The following GRM7 variants were observed in gnomAD, a reference collection of about 807,000 sequenced individuals.
GRM7 encodes the protein glutamate metabotropic receptor 7, also known as metabotropic glutamate receptor 7.
A neutral mutation model predicts 84.5 loss-of-function variants in GRM7; 35 were observed. The observed-to-expected ratio is 0.41, with a 90% CI of 0.32 to 0.55. The LOEUF (loss-of-function observed/expected upper bound fraction) is 0.55. Among genes scored for constraint, GRM7 ranks in the 20% least tolerant of loss-of-function variants. The pLI is 0.19. For missense variants in GRM7, 1,003 were observed against 1,194.6 expected (o/e 0.84, Z 2.36); for synonymous variants, 487 against 455.1 (o/e 1.07, Z -0.89).
chr3:6,987,399 C>CAAAA (rs55694959), intron 1 of GRM7, among the ~76,000 whole-genome samples: 1,731 of 129,014 alleles, frequency 0.013, 31 homozygotes, highest in African/African-American at 0.046. Flanking sequence ...TGCTGAAGGA[C>CAAAA]AAAAAAAAAA....
chr3:7,435,569 A>C (rs1357595571), intron 5 of GRM7, among the ~76,000 whole-genome samples: 1 of 151,660 alleles, frequency 6.6e-6, no homozygotes, highest in Non-Finnish European at 1.5e-5. Flanking sequence ...CTGGAGTACA[A>C]TGGCACGATC....
chr3:7,565,584 G>A (rs1330152764), intron 7 of GRM7, among the ~76,000 whole-genome samples: 1 of 152,150 alleles, frequency 6.6e-6, no homozygotes. Context: ...ATAAATCCAG[G>A]AGAGTGAAGC....
chr3:7,662,120 T>A (rs1221167340), intron 8 of GRM7, among the ~76,000 whole-genome samples: 1 of 152,196 alleles, frequency 6.6e-6, no homozygotes, highest in East Asian at 1.9e-4. Context: ...AATGTCAGAA[T>A]AATTATGCTG....
Position 7,107,677 on chromosome 3 carries a change from T to C in GRM7, c.520-38775T>C, listed in dbSNP as rs114469241. Among the ~76,000 whole-genome samples the C allele has an allele frequency of 8.1e-3, 1,235 of 152,214 alleles. 12 individuals carry two copies. The highest frequency in any genetic ancestry group is 0.027 in the African/African-American group (1,137 of 41,548). On this transcript the variant is annotated intron_variant, in intron 1 of 9. Transcript: ENST00000357716. ...TTAGTTGCCGGTAAAGTTTAGTTCA[T>C]AATGTACTTGATTAAAAATAGATTG... is the stretch of plus-strand genomic sequence containing the variant.
intron 8 of GRM7, among the ~76,000 whole-genome samples, chr3:7,601,310 G>A (rs1432185520): frequency 6.6e-6 from 1 of 152,138 alleles, no homozygotes; most frequent in African/African-American, 2.4e-5. Flanking sequence ...GGGGTGCACA[G>A]CTTTCACCAC....
At chr3:6,936,389 T>A (rs143084013) in intron 1 of GRM7, among the ~76,000 whole-genome samples, 1,573 of 152,300 alleles carry the variant, frequency 0.01, 12 homozygotes, top group Non-Finnish European at 0.018. Flanking sequence ...GTTGTACCGG[T>A]GTGGCACCAC....
At chr3:7,229,506 C>T (rs1697091023) in intron 2 of GRM7, among the ~76,000 whole-genome samples, 1 of 151,488 alleles carries the variant, frequency 6.6e-6, no homozygotes, top group Admixed American at 6.6e-5. Context: ...TAAATTACCT[C>T]TCATCTGTAT....
chr3:7,521,915 T>G, intron 7 of GRM7, among the ~76,000 whole-genome samples: 1 of 152,176 alleles, frequency 6.6e-6, no homozygotes, highest in Admixed American at 6.5e-5. Context: ...ATGAAGTCCC[T>G]TGAGCCCCAC....
At chr3:7,063,710 TCCCAGTTGGGAGAGA>T (rs59040719) in intron 1 of GRM7, among the ~76,000 whole-genome samples, 64,930 of 151,012 alleles carry the variant, frequency 0.43, 14,157 homozygotes, top group African/African-American at 0.53. Flanking sequence ...TAGGTGAAAC[TCCCAGTTGGGAGAGA>T]CCCAAGGTCA....
At chr3:7,267,681 G>A (rs748712070) in intron 2 of GRM7, among the ~76,000 whole-genome samples, 28 of 152,318 alleles carry the variant, frequency 1.8e-4, no homozygotes, top group Non-Finnish European at 4.1e-4. Flanking sequence ...CTTTCCCACT[G>A]AGTAAAATTG....
At chr3:7,433,689 C>G (rs1289898786) in intron 5 of GRM7, among the ~76,000 whole-genome samples, 2 of 152,148 alleles carry the variant, frequency 1.3e-5, no homozygotes, top group Non-Finnish European at 2.9e-5. Context: ...TCTTCCAGGA[C>G]TATTCTTGAT....
intron 2 of GRM7, among the ~76,000 whole-genome samples, chr3:7,168,420 T>C (rs575974065): frequency 6.6e-6 from 1 of 152,230 alleles, no homozygotes; most frequent in South Asian, 2.1e-4. Flanking sequence ...CGGGACTTCC[T>C]GATGACATGA....
At chr3:7,619,521 G>A (rs1344089093) in intron 8 of GRM7, among the ~76,000 whole-genome samples, 1 of 152,066 alleles carries the variant, frequency 6.6e-6, no homozygotes, top group Admixed American at 6.6e-5. Context: ...AATGTTAACA[G>A]TTGATTTTTC....
intron 7 of GRM7, among the ~76,000 whole-genome samples, chr3:7,492,680 T>G (rs1487466807): frequency 6.6e-6 from 1 of 152,116 alleles, no homozygotes; most frequent in Non-Finnish European, 1.5e-5. Context: ...CCTATAGATC[T>G]TTATTTTCGG....
At chr3:7,666,126 C>G (rs563974718) in intron 8 of GRM7, among the ~76,000 whole-genome samples, 6 of 152,034 alleles carry the variant, frequency 3.9e-5, no homozygotes, top group Non-Finnish European at 7.3e-5. Flanking sequence ...GGGAGCATCA[C>G]GGAAGGAGAA....
At chr3:7,331,853 A>T (rs1347472943) in intron 4 of GRM7, among the ~76,000 whole-genome samples, 3 of 152,182 alleles carry the variant, frequency 2.0e-5, no homozygotes, top group African/African-American at 4.8e-5. Flanking sequence ...AAGGGATTCA[A>T]TGTCAATTAT....
At chr3:7,064,972 C>T (rs1697600041) in intron 1 of GRM7, among the ~76,000 whole-genome samples, 1 of 151,812 alleles carries the variant, frequency 6.6e-6, no homozygotes, top group South Asian at 2.1e-4. Flanking sequence ...TGTTCATTGG[C>T]CATTTGTATA....
At chr3:7,668,917 TC>T (rs1699813555) in intron 8 of GRM7, among the ~76,000 whole-genome samples, 1 of 152,256 alleles carries the variant, frequency 6.6e-6, no homozygotes, top group African/African-American at 2.4e-5. Context: ...TTCTAGATGC[TC>T]CCTCAATCCC....
chr3:6,897,574 T>G lies in GRM7; in HGVS notation c.519+35667T>G, dbSNP rs577604357. 6.2e-4 allele frequency among the ~76,000 whole-genome samples: 95 copies of G among 152,322 alleles called. 1 individual carries two copies. The highest frequency in any genetic ancestry group is 2.1e-3 in the African/African-American group (88 of 41,586). ...TATTGGGATAATTACATTAGATTAG[T>G]GCATTCAGGAGAGTGCCTGAAACAC... On this transcript the variant is annotated intron_variant, in intron 1 of 9. Transcript: ENST00000357716.
Sources: gnomAD v4.1 joint callset for allele counts (sites outside exome capture counted in the v4.1 genomes callset) on GRCh38, gnomAD v4.1.1 for gene constraint, MANE v1.5 for transcripts, NCBI Gene and HGNC (gene_info 2026-07-23, HGNC 2026-07-21) for gene names.